NMRK1: variants seen among roughly 807,000 people sequenced by gnomAD.
The protein encoded by NMRK1 is NRK 1.
In NMRK1, 28 loss-of-function variants were observed where a neutral mutation model predicts 29.9. That is an observed-to-expected ratio of 0.94 (90% CI 0.69 to 1.28). NMRK1 has a LOEUF of 1.28. Among genes scored for constraint, NMRK1 ranks in the 50% most tolerant of loss-of-function variants. The pLI is 0.00. For missense variants in NMRK1, 218 were observed against 233.1 expected, an observed-to-expected ratio of 0.94 and a Z score of 0.42; for synonymous variants, 58 against 73.0, an observed-to-expected ratio of 0.79 and a Z score of 1.05.
intron 8 of NMRK1, among the ~76,000 whole-genome samples, chr9:75,065,993 T>G (rs1823316500): frequency 6.6e-6 from 1 of 152,182 alleles, no homozygotes; most frequent in Non-Finnish European, 1.5e-5. Context: ...AGAGCCTGAC[T>G]TCAAAATAAA....
chr9:75,064,324 C>T (rs532316746), intron 8 of NMRK1, among the ~76,000 whole-genome samples: 3 of 152,178 alleles, frequency 2.0e-5, no homozygotes, highest in Admixed American at 2.0e-4. Flanking sequence ...TATAGGTGTC[C>T]AACAGCTGAA....
At chr9:75,084,313 T>C (rs540267537) in intron 1 of NMRK1, among the ~76,000 whole-genome samples, 27 of 152,322 alleles carry the variant, frequency 1.8e-4, no homozygotes, top group African/African-American at 6.5e-4. Flanking sequence ...TGCTCCAGTT[T>C]CTATGATCTG....
At chr9:75,063,295 G>A (rs4745376) in intron 8 of NMRK1, among the ~76,000 whole-genome samples, 107,779 of 137,782 alleles carry the variant, frequency 0.78, 42,037 homozygotes, top group Admixed American at 0.83. Flanking sequence ...GACAGAGCGA[G>A]ACTCCATCTC....
At chr9:75,087,740 G>C (rs1180994819) in intron 1 of NMRK1, 2 of 152,202 alleles carry the variant, frequency 1.3e-5, no homozygotes. Flanking sequence ...TCCTGATCCT[G>C]TCCCTGGCGA....
chr9:75,080,805 T>C (rs1396128945), intron 2 of NMRK1, among the ~76,000 whole-genome samples: 3 of 152,182 alleles, frequency 2.0e-5, no homozygotes, highest in Non-Finnish European at 2.9e-5. Flanking sequence ...TTAAAAAGTC[T>C]GAAACCTCCC....
intron 8 of NMRK1, among the ~76,000 whole-genome samples, chr9:75,063,642 T>A (rs10869489): frequency 0.14 from 20,953 of 152,160 alleles, 1,803 homozygotes; most frequent in Non-Finnish European, 0.19. Flanking sequence ...CTTATCATAA[T>A]TATGATTTTA....
intron 1 of NMRK1, among the ~76,000 whole-genome samples, chr9:75,086,072 T>G (rs565655754): frequency 6.6e-6 from 1 of 151,954 alleles, no homozygotes; most frequent in Non-Finnish European, 1.5e-5. Flanking sequence ...CATTGCCTGT[T>G]GCCCCTATAA....
intron 4 of NMRK1, among the ~76,000 whole-genome samples, chr9:75,073,466 G>A (rs1003858593): frequency 3.3e-5 from 5 of 152,154 alleles, no homozygotes; most frequent in Admixed American, 6.5e-5. Flanking sequence ...TCAGCTAGGC[G>A]TGGTGGCTCA....
chr9:75,079,405 GACTTTATT>G (rs1423232699), intron 2 of NMRK1, among the ~76,000 whole-genome samples: 1 of 152,212 alleles, frequency 6.6e-6, no homozygotes, highest in Non-Finnish European at 1.5e-5. Context: ...GAACAGGGGT[GACTTTATT>G]ACAATATGAA....
Position 75,061,551 on chromosome 9 carries a change from T to C in NMRK1, c.597A>G (p.Ala199=), listed in dbSNP as rs765200667. Residue 199 remains alanine (A), a synonymous_variant, in exon 9 of 9, where the codon GCA becomes GCG. Transcript: ENST00000361092. ...AAGGATTTGTTGTGTTCCGTCTTTA[T>C]GCTGTCACTTGCAAACCTTGGGAAT... ...LAKQKCLQVT[A] is the part of the protein sequence containing the mutation. 6 of 1,610,262 alleles carry C rather than the reference T, an allele frequency of 3.7e-6. No individual in the cohort carries two copies. The highest frequency in any genetic ancestry group is 4.2e-6 in the Non-Finnish European group (5 of 1,177,412).
chr9:75,077,633 T>A, intron 2 of NMRK1, 53 bp from the exon 3 acceptor site: 1 of 1,281,812 alleles, frequency 7.8e-7, no homozygotes. Context: ...TAAAAATCAT[T>A]AAACACTTTT....
rs569265760 is a variant in NMRK1 at position 75,074,449 on chromosome 9, A to G, written c.169+2710T>C. Among the ~76,000 whole-genome samples the G allele has an allele frequency of 2.2e-3, 339 of 151,794 alleles. 1 individual carries two copies. The highest frequency in any genetic ancestry group is 3.7e-3 in the Non-Finnish European group (249 of 67,976). Reference sequence around the variant, plus strand: ...GTCACCTAAGCTGGAGTGCAGTGGCATATCTCGGCTCACTATAGCCTTTGC... The same window carrying G: ...GTCACCTAAGCTGGAGTGCAGTGGCGTATCTCGGCTCACTATAGCCTTTGC... On this transcript the variant is annotated intron_variant, in intron 4 of 8. Coordinates refer to ENST00000361092, the MANE Select transcript of NMRK1 (RefSeq NM_017881.3).
intron 1 of NMRK1, among the ~76,000 whole-genome samples, chr9:75,084,498 T>TA (rs1824506109): frequency 6.6e-6 from 1 of 152,194 alleles, no homozygotes; most frequent in African/African-American, 2.4e-5. Flanking sequence ...ATGACTGTGA[T>TA]AAAATAGCAG....
chr9:75,066,222 C>T (rs757618594), intron 8 of NMRK1: 5 of 515,906 alleles, frequency 9.7e-6, no homozygotes, highest in Non-Finnish European at 1.9e-5. Flanking sequence ...CCACCATTAC[C>T]CCTGTACTGT....
intron 5 of NMRK1, 21 bp from the exon 6 acceptor site, chr9:75,069,834 G>A: frequency 6.2e-7 from 1 of 1,611,726 alleles, no homozygotes; most frequent in Non-Finnish European, 8.5e-7. Flanking sequence ...AGCATACTTA[G>A]TTCACAAGGG....
chr9:75,069,112 C>T lies in NMRK1; in HGVS notation c.390-10G>A. 1.3e-6 allele frequency: 2 copies of T among 1,578,806 alleles called. No homozygotes were observed. The highest frequency in any genetic ancestry group is 1.7e-6 in the Non-Finnish European group (2 of 1,149,684). On this transcript the variant is annotated splice_polypyrimidine_tract_variant and intron_variant, in intron 6 of 8. Coordinates refer to ENST00000361092, the MANE Select transcript of NMRK1 (RefSeq NM_017881.3). The stretch of plus-strand genomic sequence containing the variant: ...CTGATAGACCCTTGTACTATCAAAA[C>T]ACGTAGGAAACTTTATGTTGACAGA...
intron 4 of NMRK1, among the ~76,000 whole-genome samples, chr9:75,071,496 C>T (rs1289666174): frequency 6.6e-6 from 1 of 152,118 alleles, no homozygotes; most frequent in East Asian, 1.9e-4. Context: ...GTATTGGTGT[C>T]TGTTGATTGG....
intron 6 of NMRK1, chr9:75,069,503 G>A (rs1823567843): frequency 9.8e-6 from 5 of 511,090 alleles, no homozygotes; most frequent in South Asian, 2.4e-5. Flanking sequence ...CTTTGTTTGA[G>A]GATTTAGGAG....
intron 4 of NMRK1, among the ~76,000 whole-genome samples, chr9:75,074,202 C>T (rs1433498450): frequency 1.3e-5 from 2 of 151,488 alleles, no homozygotes; most frequent in African/African-American, 2.4e-5. Context: ...GGACTATAGG[C>T]GTGAGTTACC....
Sources: allele counts gnomAD v4.1 joint callset (sites outside exome capture counted in the v4.1 genomes callset), GRCh38; gene constraint gnomAD v4.1.1; transcripts MANE v1.5; gene names NCBI Gene and HGNC (gene_info 2026-07-23, HGNC 2026-07-21).